The following ZNF385D variants were observed in gnomAD, a reference collection of about 807,000 sequenced individuals.
ZNF385D encodes the protein zinc finger protein 385D.
In ZNF385D, 15 loss-of-function variants were observed where a neutral mutation model predicts 35.8. The observed-to-expected ratio is 0.42, with a 90% CI of 0.28 to 0.64. The LOEUF (loss-of-function observed/expected upper bound fraction) is 0.64. Ranked by LOEUF, ZNF385D falls within the 30% of genes least tolerant of loss-of-function variation. ZNF385D has a pLI of 0.23. For missense variants in ZNF385D, 474 were observed against 494.6 expected (o/e 0.96, Z 0.39); for synonymous variants, 212 against 186.8 (o/e 1.13, Z -1.10).
At chr3:22,116,273 T>C (rs1702807535) in intron 3 of ZNF385D, among the ~76,000 whole-genome samples, 1 of 152,090 alleles carries the variant, frequency 6.6e-6, no homozygotes, top group African/African-American at 2.4e-5. Context: ...CATTTGACAC[T>C]TAACACCAAA....
chr3:21,866,980 T>A (rs1330492658), intron 3 of ZNF385D, among the ~76,000 whole-genome samples: 1 of 152,104 alleles, frequency 6.6e-6, no homozygotes, highest in African/African-American at 2.4e-5. Context: ...AGTCGATTTG[T>A]GCTACATAAC....
chr3:21,720,726 G>A (rs1436830398), intron 1 of ZNF385D, among the ~76,000 whole-genome samples: 1 of 152,180 alleles, frequency 6.6e-6, no homozygotes, highest in Non-Finnish European at 1.5e-5. Context: ...TTCTTTCTGT[G>A]TAGCTATAAA....
intron 3 of ZNF385D, among the ~76,000 whole-genome samples, chr3:21,851,169 T>A (rs377405185): frequency 7.9e-5 from 12 of 151,768 alleles, no homozygotes; most frequent in African/African-American, 2.9e-4. Flanking sequence ...ATAAAAACTA[T>A]AGAAGTAAAA....
At chr3:21,834,114 A>C (rs975344828) in intron 3 of ZNF385D, among the ~76,000 whole-genome samples, 2 of 152,198 alleles carry the variant, frequency 1.3e-5, no homozygotes, top group African/African-American at 2.4e-5. Flanking sequence ...GTGGTTCTAC[A>C]AGATCAAATT....
intron 3 of ZNF385D, among the ~76,000 whole-genome samples, chr3:22,110,147 G>A (rs1388298877): frequency 6.6e-6 from 1 of 152,092 alleles, no homozygotes; most frequent in Non-Finnish European, 1.5e-5. Flanking sequence ...AACAGGTGCT[G>A]GAGAGGATGT....
At chr3:22,192,434 A>G (rs1028010507) in intron 2 of ZNF385D, among the ~76,000 whole-genome samples, 1 of 152,138 alleles carries the variant, frequency 6.6e-6, no homozygotes, top group African/African-American at 2.4e-5. Context: ...GGGCTAACAT[A>G]TGTAACCAAT....
chr3:21,797,995 A>G (rs907925800), intron 3 of ZNF385D, among the ~76,000 whole-genome samples: 3 of 152,214 alleles, frequency 2.0e-5, no homozygotes, highest in Non-Finnish European at 2.9e-5. Context: ...CAACACCAAC[A>G]GTGAACCCTA....
At chr3:21,630,949 ACGATAAAAATC>A (rs1444556212) in intron 2 of ZNF385D, among the ~76,000 whole-genome samples, 3 of 152,160 alleles carry the variant, frequency 2.0e-5, no homozygotes, top group Non-Finnish European at 4.4e-5. Flanking sequence ...AGGTGAAGAT[ACGATAAAAATC>A]CAAGTCATCT....
intron 3 of ZNF385D, among the ~76,000 whole-genome samples, chr3:21,862,390 G>A (rs1697104209): frequency 6.6e-6 from 1 of 151,832 alleles, no homozygotes; most frequent in Non-Finnish European, 1.5e-5. Flanking sequence ...AAATCAGCAT[G>A]GAATGTCGAC....
intron 3 of ZNF385D, among the ~76,000 whole-genome samples, chr3:22,164,870 C>A (rs1706211333): frequency 1.3e-5 from 2 of 151,972 alleles, no homozygotes; most frequent in African/African-American, 4.8e-5. Flanking sequence ...TAAAAAGACA[C>A]AGAGAAAAGT....
At chr3:22,142,253 T>G (rs1576392174) in intron 3 of ZNF385D, among the ~76,000 whole-genome samples, 2 of 152,218 alleles carry the variant, frequency 1.3e-5, no homozygotes, top group African/African-American at 2.4e-5. Context: ...TAAAAAAAAT[T>G]TCTTTACCAG....
intron 4 of ZNF385D, among the ~76,000 whole-genome samples, chr3:21,469,121 G>A (rs192777728): frequency 6.6e-6 from 1 of 152,250 alleles, no homozygotes; most frequent in East Asian, 1.9e-4. Context: ...CTGGTGAGCA[G>A]ATTTGTCTAC....
In ZNF385D at chr3:22,233,345, A is replaced by T. The variant is rs140369449; in HGVS notation, c.107-64310T>A. Among the ~76,000 whole-genome samples, 737 of 152,250 alleles carry T rather than the reference A, an allele frequency of 4.8e-3. 5 individuals are homozygous for T. Among genetic ancestry groups the T allele is most frequent in the African/African-American group, 0.017 (693 of 41,552 alleles). ...AAAAGGGTAAGTACTATATTATTTC[A>T]CTTAAAAGAAATTATAGAAAAGAAA... is the stretch of plus-strand genomic sequence containing the variant. On this transcript the variant is annotated intron_variant, in intron 2 of 5. Coordinates refer to the ZNF385D transcript ENST00000494108.
chr3:22,114,043 AATC>A (rs1275502492), intron 3 of ZNF385D, among the ~76,000 whole-genome samples: 4 of 152,152 alleles, frequency 2.6e-5, no homozygotes, highest in Non-Finnish European at 5.9e-5. Flanking sequence ...CAGTATTAAA[AATC>A]ATTAACATTT....
intron 3 of ZNF385D, among the ~76,000 whole-genome samples, chr3:21,960,911 T>C (rs151333940): frequency 6.6e-6 from 1 of 152,138 alleles, no homozygotes; most frequent in African/African-American, 2.4e-5. Context: ...TCGTGGGTAT[T>C]AGAGGATATG....
At chr3:22,100,455 T>G (rs1701872017) in intron 3 of ZNF385D, among the ~76,000 whole-genome samples, 1 of 151,450 alleles carries the variant, frequency 6.6e-6, no homozygotes, top group African/African-American at 2.4e-5. Context: ...AATGATAGAC[T>G]GGATTAAGAA....
At chr3:21,912,093 A>C (rs951305647) in intron 3 of ZNF385D, among the ~76,000 whole-genome samples, 1 of 151,932 alleles carries the variant, frequency 6.6e-6, no homozygotes, top group Non-Finnish European at 1.5e-5. Context: ...CAGCTTGCTT[A>C]CTTAGGCTCA....
intron 3 of ZNF385D, among the ~76,000 whole-genome samples, chr3:22,034,950 A>G (rs934295702): frequency 6.6e-6 from 1 of 152,220 alleles, no homozygotes; most frequent in Non-Finnish European, 1.5e-5. Context: ...CATGTCAAAT[A>G]CTTTAAAACA....
chr3:21,813,640 G>T (rs1301576680), intron 3 of ZNF385D, among the ~76,000 whole-genome samples: 7 of 152,062 alleles, frequency 4.6e-5, no homozygotes, highest in African/African-American at 1.7e-4. Flanking sequence ...AGTGAGAAGA[G>T]AAGTTTAGAG....
Sources: allele counts gnomAD v4.1 joint callset (sites outside exome capture counted in the v4.1 genomes callset), GRCh38; gene constraint gnomAD v4.1.1; transcripts MANE v1.5; gene names NCBI Gene and HGNC (gene_info 2026-07-23, HGNC 2026-07-21).